The following NOC3L variants were observed in gnomAD, a reference collection of about 807,000 sequenced individuals.
NOC3L encodes NOC3 like DNA replication regulator.
NOC3L carries 85 observed loss-of-function variants against 102.5 expected under a neutral mutation model. That is an observed-to-expected ratio of 0.83 (90% CI 0.70 to 0.99). The LOEUF is 0.99. Ranked by LOEUF, NOC3L falls within the 50% of genes least tolerant of loss-of-function variation. NOC3L has a pLI of 0.00. For missense variants in NOC3L, 878 were observed against 914.9 expected (o/e 0.96, Z 0.52); for synonymous variants, 303 against 309.4 (o/e 0.98, Z 0.22).
chr10:94,354,119 T>C (rs1452828135), intron 6 of NOC3L, among the ~76,000 whole-genome samples: 2 of 152,166 alleles, frequency 1.3e-5, no homozygotes, highest in Non-Finnish European at 2.9e-5. Context: ...AAATCTCTCT[T>C]CCCTAATTCT....
rs373771038 is a variant in NOC3L at position 94,340,808 on chromosome 10, T to C, written c.1645-312A>G. ...CATCCTGGCTAACACGGTGAAACCC[T>C]GTCTCTACTAAAAATACAAAAAATT... On this transcript the variant is annotated intron_variant, in intron 14 of 20. Transcript: ENST00000371361. Among the ~76,000 whole-genome samples, 322 of 151,820 alleles carry C rather than the reference T, an allele frequency of 2.1e-3. 1 individual carries two copies. Among genetic ancestry groups the C allele is most frequent in the African/African-American group, 6.0e-3 (250 of 41,406 alleles).
At position 94,340,316 on chromosome 10, in the gene NOC3L, GA is replaced by G. The variant is rs1366797108; in HGVS notation, c.1739del (p.Phe580SerfsTer32). On this transcript the variant is annotated frameshift_variant, in exon 16 of 21. Transcript: ENST00000371361. LOFTEE classifies it high-confidence loss of function. Reference sequence around the variant, plus strand: ...ACAGTGTTTTGTAGAGATGTGTGTAGAATTTCAATGGATCAATATTCAGAAC... The same window carrying G: ...ACAGTGTTTTGTAGAGATGTGTGTAGATTTCAATGGATCAATATTCAGAAC... ...GDVLNIDPLK[F>X]YTHLYKTLFK... 1.9e-6 allele frequency: 3 copies of G among 1,612,914 alleles called. No individual in the cohort carries two copies. The African/African-American group carries it at 4.0e-5, about 22-fold the overall frequency.
Position 94,337,737 on chromosome 10 carries a change from C to A in NOC3L, c.2189+40G>T. Reference sequence around the variant, plus strand: ...TTCTCATAGTAAGTGGCTATCAGCTCAATTCTGTAGTTTTAGAATAAGGCA... The same window carrying A: ...TTCTCATAGTAAGTGGCTATCAGCTAAATTCTGTAGTTTTAGAATAAGGCA... On this transcript the variant is annotated intron_variant, in intron 19 of 20. Coordinates refer to ENST00000371361, the MANE Select transcript of NOC3L (RefSeq NM_022451.11). 4 of 1,375,106 alleles carry A rather than the reference C, an allele frequency of 2.9e-6. No individual in the cohort carries two copies. In the South Asian group the frequency reaches 4.8e-5, roughly 16 times the overall value. The allele number at this position is 1,375,106 out of a possible 1,614,324, so 85.2% of individuals were successfully genotyped here. A position where few individuals can be genotyped will look rare whatever the true frequency, so the allele number is the denominator to read the frequency against.
downstream of NOC3L, chr10:94,331,223 G>C (rs1227281933): frequency 6.6e-6 from 1 of 152,192 alleles, no homozygotes; most frequent in Non-Finnish European, 1.5e-5. Flanking sequence ...TCTTTTATGG[G>C]AGGCTTTTAT....
Position 94,357,801 on chromosome 10 carries a change from T to TA in NOC3L, c.350+281dup, listed in dbSNP as rs200301761. 2.5e-3 allele frequency: 930 copies of TA among 375,410 alleles called. 5 individuals carry two copies. The highest frequency in any genetic ancestry group is 9.8e-3 in the Middle Eastern group (13 of 1,332). 23.3% of individuals were successfully genotyped at this position (375,410 alleles called of 1,614,324 possible). On this transcript the variant is annotated intron_variant, in intron 3 of 20. Transcript: ENST00000371361. Reference sequence around the variant, plus strand: ...TGAGGATTAAGTGAAATCATAGCCGTAGGAACTCAGAACTGTTCTGCCACT... The same window carrying TA: ...TGAGGATTAAGTGAAATCATAGCCGTAAGGAACTCAGAACTGTTCTGCCACT...
chr10:94,341,769 T>C, intron 13 of NOC3L, 24 bp from the exon 14 acceptor site: 1 of 1,375,928 alleles, frequency 7.3e-7, no homozygotes, highest in Non-Finnish European at 9.9e-7. Context: ...AAACAGTTAA[T>C]CAGTGAACTA....
the NOC3L span, among the ~76,000 whole-genome samples, chr10:94,319,806 C>T: frequency 3.3e-5 from 5 of 149,430 alleles, no homozygotes; most frequent in South Asian, 6.4e-4. Context: ...CCTGTGGCTT[C>T]GAACTAATGT....
chr10:94,353,315 A>AT (rs1002916855), intron 6 of NOC3L, among the ~76,000 whole-genome samples: 1 of 152,194 alleles, frequency 6.6e-6, no homozygotes, highest in Non-Finnish European at 1.5e-5. Flanking sequence ...AAAGAGGTTT[A>AT]TTTTGGCTTA....
the NOC3L span, chr10:94,325,021 A>G: frequency 1.9e-6 from 3 of 1,614,162 alleles, no homozygotes; most frequent in Non-Finnish European, 2.5e-6. Context: ...TATCCAAACC[A>G]AGGAGGAGAA....
chr10:94,360,100 G>A (rs756346472), intron 2 of NOC3L, among the ~76,000 whole-genome samples: 55 of 152,054 alleles, frequency 3.6e-4, no homozygotes, highest in Admixed American at 6.6e-4. Context: ...GGCAGATCAC[G>A]AGATCAGGAG....
intron 2 of NOC3L, among the ~76,000 whole-genome samples, chr10:94,360,935 C>T (rs2054545464): frequency 6.6e-6 from 1 of 151,878 alleles, no homozygotes; most frequent in African/African-American, 2.4e-5. Context: ...CTGCCTGAGC[C>T]CAGGAGGTCA....
chr10:94,345,555 TA>T (rs1409350856), intron 11 of NOC3L, among the ~76,000 whole-genome samples: 5 of 152,194 alleles, frequency 3.3e-5, no homozygotes, highest in African/African-American at 1.2e-4. Flanking sequence ...GAGAAGTTGT[TA>T]AAGAGCTGCC....
chr10:94,333,509 G>A lies in NOC3L; in HGVS notation c.*668C>T, dbSNP rs1048896345. 6.6e-6 allele frequency: 1 copy of A among 152,098 alleles called. No homozygotes were observed. The highest frequency in any genetic ancestry group is 2.4e-5 in the African/African-American group (1 of 41,416). 9.4% of individuals were successfully genotyped at this position (152,098 alleles called of 1,614,324 possible). ...AATTCTTCCCCAGTCACCCTCCAGG[G>A]AATGTCAGAAAACGTGAAGAACTTT... On this transcript the variant is annotated 3_prime_UTR_variant, in exon 21 of 21. Coordinates refer to ENST00000371361, the MANE Select transcript of NOC3L (RefSeq NM_022451.11).
At chr10:94,320,538 G>T in the NOC3L span, among the ~76,000 whole-genome samples, 1 of 152,140 alleles carries the variant, frequency 6.6e-6, no homozygotes, top group Non-Finnish European at 1.5e-5. Context: ...CCAAGATAGC[G>T]ACAGCAACTC....
the NOC3L span, among the ~76,000 whole-genome samples, chr10:94,318,091 C>G: frequency 6.6e-6 from 1 of 152,160 alleles, no homozygotes; most frequent in South Asian, 2.1e-4. Context: ...AGCATCAACT[C>G]TAGAGCCCAG....
the NOC3L span, chr10:94,315,324 G>GAGAA: frequency 6.7e-6 from 3 of 446,188 alleles, no homozygotes; most frequent in Admixed American, 7.2e-5. Context: ...GGGGCCTGAG[G>GAGAA]AGAAGGGTGT....
Position 94,358,005 on chromosome 10 carries a change from A to T in NOC3L, c.350+78T>A, listed in dbSNP as rs1020285577. The T allele has an allele frequency of 3.5e-6, 3 of 864,168 alleles. No individual in the cohort carries two copies. The African/African-American group carries it at 5.1e-5, about 15-fold the overall frequency. 53.5% of individuals were successfully genotyped at this position (864,168 alleles called of 1,614,324 possible). A position where few individuals can be genotyped will look rare whatever the true frequency, so the allele number is the denominator to read the frequency against. Reference sequence around the variant, plus strand: ...ATTGTGCTCAAAGGTGAACACCTTGAACCACCTAAGTGAAATTCAGAACCA... The same window carrying T: ...ATTGTGCTCAAAGGTGAACACCTTGTACCACCTAAGTGAAATTCAGAACCA... On this transcript the variant is annotated intron_variant, in intron 3 of 20. Coordinates refer to ENST00000371361, the MANE Select transcript of NOC3L (RefSeq NM_022451.11).
chr10:94,346,272 GCAGTAA>G (rs1379807951), intron 11 of NOC3L, among the ~76,000 whole-genome samples, 147 bp downstream of exon 11: 9 of 152,090 alleles, frequency 5.9e-5, no homozygotes, highest in African/African-American at 2.2e-4. Context: ...ACATTTCTTT[GCAGTAA>G]CAGGAAAAGA....
Position 94,344,909 on chromosome 10 carries a change from C to T in NOC3L, c.1414G>A (p.Glu472Lys). 1.2e-6 allele frequency: 2 copies of T among 1,610,578 alleles called. No individual in the cohort carries two copies. The highest frequency in any genetic ancestry group is 1.7e-6 in the Non-Finnish European group (2 of 1,179,314). Residue 472 changes from glutamate to lysine, a missense_variant, in exon 12 of 21, where the codon GAG (glutamate) becomes AAG (lysine). By Grantham distance (56) the Glu-to-Lys change is moderately conservative. Transcript: ENST00000371361. The part of the protein sequence containing the change: ...RKWKKAEEKL[E>K]RELREAEASE... ...GCTTCTGCCTCTCGAAGCTCTCGCT[C>T]TAGTTTCTCTTCTGCTTTCTTCCAC...
Sources: allele counts gnomAD v4.1 joint callset (sites outside exome capture counted in the v4.1 genomes callset), GRCh38; gene constraint gnomAD v4.1.1; transcripts MANE v1.5; gene names NCBI Gene and HGNC (gene_info 2026-07-23, HGNC 2026-07-21).